CADPS: variants seen among roughly 807,000 people sequenced by gnomAD.
CADPS encodes the protein calcium-dependent secretion activator 1.
Under a neutral mutation model 167.3 loss-of-function variants are expected in CADPS, and 57 were observed. That is an observed-to-expected ratio of 0.34 (90% confidence interval 0.28 to 0.42). CADPS has a LOEUF of 0.42. CADPS is among the 20% of genes least tolerant of loss of function. CADPS has a pLI of 1.00. For missense variants in CADPS, 1,414 were observed against 1,738.1 expected (o/e 0.81, Z 3.32); for synonymous variants, 676 against 635.3 (o/e 1.06, Z -0.96).
chr3:62,694,710 T>A (rs1269578327), intron 3 of CADPS, among the ~76,000 whole-genome samples: 1 of 152,098 alleles, frequency 6.6e-6, no homozygotes, highest in African/African-American at 2.4e-5. Context: ...GCAAAGTAAG[T>A]GCAGCAACAG....
chr3:62,603,042 A>T (rs2060195857), intron 6 of CADPS, among the ~76,000 whole-genome samples: 1 of 152,218 alleles, frequency 6.6e-6, no homozygotes, highest in African/African-American at 2.4e-5. Flanking sequence ...ATAGGGTGGA[A>T]CATGAAAACT....
intron 6 of CADPS, among the ~76,000 whole-genome samples, chr3:62,607,330 A>G (rs1442917332): frequency 6.6e-6 from 1 of 152,220 alleles, no homozygotes; most frequent in African/African-American, 2.4e-5. Flanking sequence ...AGCCTGCCAC[A>G]GGCACTGTCT....
intron 8 of CADPS, among the ~76,000 whole-genome samples, chr3:62,579,681 G>T (rs1343198740): frequency 1.3e-5 from 2 of 152,166 alleles, no homozygotes; most frequent in Non-Finnish European, 2.9e-5. Context: ...GGCCAGTGTG[G>T]CTGGAACAGT....
At chr3:62,814,010 C>A (rs2094501256) in intron 1 of CADPS, among the ~76,000 whole-genome samples, 1 of 152,124 alleles carries the variant, frequency 6.6e-6, no homozygotes, top group South Asian at 2.1e-4. Context: ...TCTCTGCACA[C>A]AGCACTTACT....
intron 1 of CADPS, among the ~76,000 whole-genome samples, chr3:62,871,634 T>G (rs2082649860): frequency 6.6e-6 from 1 of 152,188 alleles, no homozygotes; most frequent in Non-Finnish European, 1.5e-5. Context: ...AAGTCTCAGT[T>G]TTTTAAAAAC....
intron 1 of CADPS, among the ~76,000 whole-genome samples, chr3:62,838,820 T>C (rs975815870): frequency 1.9e-4 from 29 of 152,176 alleles, no homozygotes; most frequent in African/African-American, 7.0e-4. Flanking sequence ...GGACAAATCT[T>C]GCCCTAAAAT....
chr3:62,426,589 G>C (rs1419069365), intron 28 of CADPS, among the ~76,000 whole-genome samples: 1 of 152,324 alleles, frequency 6.6e-6, no homozygotes, highest in South Asian at 2.1e-4. Context: ...AATTCAAAAA[G>C]CTACCTACTG....
At chr3:62,802,611 T>C (rs886512858) in intron 1 of CADPS, among the ~76,000 whole-genome samples, 23 of 152,198 alleles carry the variant, frequency 1.5e-4, no homozygotes, top group African/African-American at 5.5e-4. Flanking sequence ...AGACCCTGGA[T>C]GAAGGTGGTG....
chr3:62,759,885 C>T (rs946345714), intron 2 of CADPS, among the ~76,000 whole-genome samples: 2 of 152,070 alleles, frequency 1.3e-5, no homozygotes, highest in Admixed American at 6.6e-5. Flanking sequence ...ATTTTACCTT[C>T]TTTGAGGCAA....
chr3:62,840,500 G>A (rs369777104), intron 1 of CADPS, among the ~76,000 whole-genome samples: 78 of 152,150 alleles, frequency 5.1e-4, no homozygotes, highest in African/African-American at 1.7e-3. Flanking sequence ...ACTGACATAT[G>A]TCTATTTTTG....
At chr3:62,786,411 G>A (rs1245172221) in intron 1 of CADPS, among the ~76,000 whole-genome samples, 1 of 152,030 alleles carries the variant, frequency 6.6e-6, no homozygotes, top group East Asian at 1.9e-4. Flanking sequence ...GGAGGCTGAG[G>A]CAGGGAGATT....
chr3:62,818,050 T>C (rs964041549), intron 1 of CADPS, among the ~76,000 whole-genome samples: 2 of 152,180 alleles, frequency 1.3e-5, no homozygotes, highest in Admixed American at 1.3e-4. Flanking sequence ...TTTAGGTTGA[T>C]GTTAAAATTC....
At position 62,550,833 on chromosome 3, in the gene CADPS, G is replaced by A. The variant is rs566153489; in HGVS notation, c.1754-718C>T. 93 of 456,502 alleles carry A rather than the reference G, an allele frequency of 2.0e-4. 3 individuals carry two copies. The highest frequency in any genetic ancestry group is 1.4e-3 in the South Asian group (93 of 64,540). The allele number at this position is 456,502 out of a possible 1,614,324, so 28.3% of individuals were successfully genotyped here. ...ACTGATTAAAAGCCCTCATTTTATT[G>A]GGCCCACCCACCTATCAGCAGCATT... On this transcript the variant is annotated intron_variant, in intron 10 of 29. Transcript: ENST00000383710.
At chr3:62,837,545 C>A (rs73097449) in intron 1 of CADPS, among the ~76,000 whole-genome samples, 31,514 of 152,112 alleles carry the variant, frequency 0.21, 3,532 homozygotes, top group Middle Eastern at 0.37. Context: ...ATGGCTGGGG[C>A]ACTCAGTGTT....
chr3:62,406,151 C>T (rs1708407907), intron 28 of CADPS, among the ~76,000 whole-genome samples: 2 of 152,226 alleles, frequency 1.3e-5, no homozygotes, highest in African/African-American at 4.8e-5. Flanking sequence ...CGATCTTGCA[C>T]ATCTCTTCCC....
intron 6 of CADPS, among the ~76,000 whole-genome samples, chr3:62,614,534 A>T (rs1400575457): frequency 6.6e-6 from 1 of 152,230 alleles, no homozygotes; most frequent in Admixed American, 6.5e-5. Flanking sequence ...TAGCTCCTTT[A>T]TCTTGTCCCT....
intron 2 of CADPS, among the ~76,000 whole-genome samples, chr3:62,756,118 A>G (rs1575918651): frequency 6.7e-6 from 1 of 149,622 alleles, no homozygotes; most frequent in Admixed American, 6.7e-5. Flanking sequence ...CAGTGGTGCG[A>G]TCTTGGCTCA....
At chr3:62,408,295 A>G (rs1422562471) in intron 28 of CADPS, among the ~76,000 whole-genome samples, 3 of 152,208 alleles carry the variant, frequency 2.0e-5, no homozygotes, top group Non-Finnish European at 2.9e-5. Flanking sequence ...GAAAATTTTG[A>G]TATTTCAGTC....
intron 6 of CADPS, among the ~76,000 whole-genome samples, chr3:62,599,719 ATATATAT>A (rs1221808887): frequency 0.021 from 1,000 of 47,796 alleles, 109 homozygotes; most frequent in African/African-American, 0.1. Flanking sequence ...ATAATATATA[ATATATAT>A]AGTATATATA....
Sources: allele counts gnomAD v4.1 joint callset (sites outside exome capture counted in the v4.1 genomes callset), GRCh38; gene constraint gnomAD v4.1.1; transcripts MANE v1.5; gene names NCBI Gene and HGNC (gene_info 2026-07-23, HGNC 2026-07-21).